GALNTL6: variants seen among roughly 807,000 people sequenced by gnomAD.
GALNTL6 encodes the protein polypeptide N-acetylgalactosaminyltransferase-like 6.
GALNTL6 carries 46 observed loss-of-function variants against 73.7 expected under a neutral mutation model. The ratio of observed to expected loss-of-function variants is 0.62; its 90% CI spans 0.49 to 0.80. The LOEUF is 0.80. Ranked by LOEUF, GALNTL6 falls within the 30% of genes least tolerant of loss-of-function variation. GALNTL6 has a pLI of 0.00. For missense variants in GALNTL6, 604 were observed against 755.0 expected, an observed-to-expected ratio of 0.80 and a Z score of 2.34; for synonymous variants, 259 against 263.7, an observed-to-expected ratio of 0.98 and a Z score of 0.17.
At chr4:172,601,113 T>G (rs966622530) in intron 5 of GALNTL6, among the ~76,000 whole-genome samples, 4 of 152,144 alleles carry the variant, frequency 2.6e-5, no homozygotes, top group Non-Finnish European at 4.4e-5. Context: ...ATAAAATGTA[T>G]TTTTTAAAAA....
intron 2 of GALNTL6, among the ~76,000 whole-genome samples, chr4:171,882,550 G>C (rs1736479259): frequency 6.6e-6 from 1 of 152,202 alleles, no homozygotes; most frequent in African/African-American, 2.4e-5. Context: ...CAAGAGTGCA[G>C]CCTCCAGTCT....
chr4:172,227,991 A>C (rs1400885677), intron 2 of GALNTL6, among the ~76,000 whole-genome samples: 1 of 152,054 alleles, frequency 6.6e-6, no homozygotes. Flanking sequence ...AGTGTAGGAG[A>C]TTTTCATTAG....
chr4:172,479,556 G>A (rs1056839813), intron 5 of GALNTL6, among the ~76,000 whole-genome samples: 13 of 152,174 alleles, frequency 8.5e-5, no homozygotes, highest in South Asian at 4.1e-4. Context: ...CTCAGAAAGA[G>A]AGAGTGTGGG....
intron 2 of GALNTL6, among the ~76,000 whole-genome samples, chr4:172,072,683 G>A (rs1731580032): frequency 6.6e-6 from 1 of 152,022 alleles, no homozygotes; most frequent in Non-Finnish European, 1.5e-5. Flanking sequence ...GATTCTTCTT[G>A]CCTATATCCA....
rs1578979814 is a variant in GALNTL6 at position 172,346,990 on chromosome 4, T to C, written c.387-1533T>C. On this transcript the variant is annotated intron_variant, in intron 4 of 12. Coordinates refer to ENST00000506823, the MANE Select transcript of GALNTL6 (RefSeq NM_001034845.3). ...TTTTCTTTTCTTTTGTTTTCTTTCT[T>C]TTTTTTTTTTTTTTTTTGAGACAGT... 1.1e-4 allele frequency among the ~76,000 whole-genome samples: 10 copies of C among 88,722 alleles called. No homozygotes were observed. In the South Asian group the frequency reaches 3.1e-3, roughly 27 times the overall value. 58.2% of individuals were successfully genotyped at this position (88,722 alleles called of 152,430 possible). A position where few individuals can be genotyped will look rare whatever the true frequency, so the allele number is the denominator to read the frequency against.
chr4:172,650,656 A>G (rs1294450429), intron 5 of GALNTL6, among the ~76,000 whole-genome samples: 1 of 152,220 alleles, frequency 6.6e-6, no homozygotes, highest in East Asian at 1.9e-4. Flanking sequence ...ATACATATCT[A>G]TAATGTGGAA....
chr4:172,325,568 A>G (rs1740914433), intron 4 of GALNTL6, among the ~76,000 whole-genome samples: 2 of 151,982 alleles, frequency 1.3e-5, no homozygotes, highest in South Asian at 2.1e-4. Context: ...CAGTTAAAGC[A>G]AAACAACATT....
chr4:172,177,249 CA>C (rs1237401917), intron 2 of GALNTL6, among the ~76,000 whole-genome samples: 2 of 151,984 alleles, frequency 1.3e-5, no homozygotes, highest in Admixed American at 1.3e-4. Flanking sequence ...GCAAATATGC[CA>C]CTTTGAAATG....
In GALNTL6 at chr4:172,762,485, G is replaced by A. The variant is rs1738168182; in HGVS notation, c.554-46876G>A. 2.7e-5 allele frequency among the ~76,000 whole-genome samples: 4 copies of A among 150,826 alleles called. No individual in the cohort carries two copies. In the South Asian group the frequency reaches 8.4e-4, roughly 32 times the overall value. On this transcript the variant is annotated intron_variant, in intron 5 of 12. Coordinates refer to ENST00000506823, the MANE Select transcript of GALNTL6 (RefSeq NM_001034845.3). Reference sequence around the variant, plus strand: ...AAAAAGGAGTAACATGAAACTACATGAGATTGCCCGTGGAAAATCCCCAGG... The same window carrying A: ...AAAAAGGAGTAACATGAAACTACATAAGATTGCCCGTGGAAAATCCCCAGG...
chr4:172,956,898 G>A (rs1749777384), intron 10 of GALNTL6, among the ~76,000 whole-genome samples: 1 of 152,202 alleles, frequency 6.6e-6, no homozygotes, highest in South Asian at 2.1e-4. Flanking sequence ...AAGAGCCTGA[G>A]AAACTGCTTG....
chr4:172,769,985 T>C (rs2332554), intron 5 of GALNTL6, among the ~76,000 whole-genome samples: 79,804 of 151,976 alleles, frequency 0.53, 22,378 homozygotes, highest in African/African-American at 0.74. Flanking sequence ...CTTTTATAGC[T>C]GGGCGCGGTG....
At chr4:171,950,184 A>T (rs938942005) in intron 2 of GALNTL6, among the ~76,000 whole-genome samples, 1 of 152,212 alleles carries the variant, frequency 6.6e-6, no homozygotes, top group African/African-American at 2.4e-5. Context: ...TCAACTTAGA[A>T]TTGTATACTT....
chr4:172,647,672 C>G (rs1228175579), intron 5 of GALNTL6, among the ~76,000 whole-genome samples: 12 of 152,108 alleles, frequency 7.9e-5, no homozygotes, highest in South Asian at 4.1e-4. Context: ...AGTAATAATG[C>G]TGAACACCCC....
intron 2 of GALNTL6, among the ~76,000 whole-genome samples, chr4:171,869,266 T>C (rs1736068892): frequency 6.6e-6 from 1 of 152,298 alleles, no homozygotes; most frequent in Non-Finnish European, 1.5e-5. Context: ...GAAAGAATCA[T>C]GTCATACAAT....
chr4:172,960,416 G>C (rs1226882273), intron 10 of GALNTL6, among the ~76,000 whole-genome samples: 1 of 152,224 alleles, frequency 6.6e-6, no homozygotes, highest in Admixed American at 6.5e-5. Flanking sequence ...TATAGGGTTG[G>C]GGAGCAGAGG....
intron 3 of GALNTL6, among the ~76,000 whole-genome samples, chr4:172,290,841 A>C (rs2073899804): frequency 6.6e-6 from 1 of 151,872 alleles, no homozygotes; most frequent in Non-Finnish European, 1.5e-5. Context: ...CTATTAATTA[A>C]TTTTTAACAC....
At chr4:172,834,395 G>A (rs752270805) in intron 7 of GALNTL6, among the ~76,000 whole-genome samples, 3 of 152,244 alleles carry the variant, frequency 2.0e-5, no homozygotes, top group South Asian at 2.1e-4. Context: ...GCCCATTACA[G>A]CGAGGTAAGC....
intron 3 of GALNTL6, among the ~76,000 whole-genome samples, chr4:172,290,884 A>T (rs559466516): frequency 1.2e-4 from 18 of 152,020 alleles, no homozygotes; most frequent in African/African-American, 3.1e-4. Flanking sequence ...GAAAACCCAC[A>T]TAAAAAATAA....
intron 5 of GALNTL6, among the ~76,000 whole-genome samples, chr4:172,639,766 T>A (rs1365324351): frequency 6.6e-6 from 1 of 152,084 alleles, no homozygotes; most frequent in African/African-American, 2.4e-5. Context: ...AATATCTACT[T>A]GCTGGCATCT....
Sources: allele counts gnomAD v4.1 joint callset (sites outside exome capture counted in the v4.1 genomes callset), GRCh38; gene constraint gnomAD v4.1.1; transcripts MANE v1.5; gene names NCBI Gene and HGNC (gene_info 2026-07-23, HGNC 2026-07-21).